The following GCSAML variants were observed in gnomAD, a reference collection of about 807,000 sequenced individuals.
GCSAML encodes the protein germinal center-associated signaling and motility-like protein.
Under a neutral mutation model 13.0 loss-of-function variants are expected in GCSAML, and 9 were observed. The ratio of observed to expected loss-of-function variants is 0.69; its 90% CI spans 0.42 to 1.21. The LOEUF (loss-of-function observed/expected upper bound fraction) is 1.21, where lower values mean the gene tolerates loss of function less well. Ranked by LOEUF, GCSAML falls within the 50% of genes most tolerant of loss-of-function variation. The pLI is 0.00. For synonymous variants in GCSAML, 37 were observed against 52.9 expected (o/e 0.70, Z 1.31); for missense variants, 143 against 153.4 (o/e 0.93, Z 0.36).
rs75068526 is a variant in GCSAML at position 247,541,335 on chromosome 1, C to A, written c.-147-7710C>A. On this transcript the variant is annotated intron_variant, in intron 2 of 5. Transcript: ENST00000366489. ...TTCCATGGTATATCCTTGAGCAAAG[C>A]AGTAGGTTTGGCCTCCCATGTCATA... Among the ~76,000 whole-genome samples the A allele has an allele frequency of 4.3e-4, 65 of 152,342 alleles. 1 individual carries two copies. In the East Asian group the frequency reaches 0.012, roughly 28 times the overall value.
rs577933270 is a variant in GCSAML at position 247,526,950 on chromosome 1, C to G, written c.-252C>G. 14 of 456,486 alleles carry G rather than the reference C, an allele frequency of 3.1e-5. No individual in the cohort carries two copies. Among genetic ancestry groups the G allele is most frequent in the African/African-American group, 2.2e-4 (11 of 50,062 alleles). 28.3% of individuals were successfully genotyped at this position (456,486 alleles called of 1,614,324 possible). A position where few individuals can be genotyped will look rare whatever the true frequency, so the allele number is the denominator to read the frequency against. ...TTCACTTTCTTTCAGGATTTACTGC[C>G]TCAAGATGGTTATGTTGGAGGATTC... On this transcript the variant is annotated 5_prime_UTR_variant, in exon 2 of 6. Coordinates refer to the GCSAML transcript ENST00000366489. This position sits in a 1 kb window ranked among gnomAD's most constrained non-coding sequence, Gnocchi z 4.8.
intron 1 of GCSAML, among the ~76,000 whole-genome samples, chr1:247,524,345 C>T (rs969064478): frequency 2.0e-5 from 3 of 152,166 alleles, no homozygotes; most frequent in Non-Finnish European, 2.9e-5. Context: ...ATACTGGCTA[C>T]TCCCTCCCCT....
chr1:247,565,819 G>A, intron 3 of GCSAML, 112 bp from the exon 4 acceptor site: 1 of 820,226 alleles, frequency 1.2e-6, no homozygotes. Flanking sequence ...GGCCTCTGCA[G>A]TTTTATGACT....
At chr1:247,538,846 T>C (rs1667312421) in intron 2 of GCSAML, 1 of 441,546 alleles carries the variant, frequency 2.3e-6, no homozygotes, top group Non-Finnish European at 4.5e-6. Flanking sequence ...TGTTTTGTTA[T>C]GATATCTCGA....
In GCSAML at chr1:247,510,126, T is replaced by C. The variant is rs376592184; in HGVS notation, c.-263+2893T>C. Among the ~76,000 whole-genome samples the C allele has an allele frequency of 1.7e-3, 252 of 152,344 alleles. 1 individual carries two copies. Among genetic ancestry groups the C allele is most frequent in the African/African-American group, 5.7e-3 (239 of 41,580 alleles). ...GGTAGAATTCAGCTGTGAATCCATCTGGTCCTGGGCTTTTTTTGGTTGACA... is the reference window on the plus strand; with the variant it reads ...GGTAGAATTCAGCTGTGAATCCATCCGGTCCTGGGCTTTTTTTGGTTGACA... On this transcript the variant is annotated intron_variant, in intron 1 of 5. Coordinates refer to the GCSAML transcript ENST00000366489.
intron 1 of GCSAML, among the ~76,000 whole-genome samples, chr1:247,554,634 T>C (rs771511983): frequency 1.3e-5 from 2 of 152,186 alleles, no homozygotes; most frequent in African/African-American, 2.4e-5. Flanking sequence ...TATTCTGTGT[T>C]TTTAGAAAGT....
intron 1 of GCSAML, chr1:247,525,903 CAAGGATTTTAGTAGT>C (rs1666663989): frequency 6.6e-6 from 1 of 152,158 alleles, no homozygotes; most frequent in Admixed American, 6.5e-5. Flanking sequence ...TTAAGGAATC[CAAGGATTTTAGTAGT>C]TGTATGCCTG....
At chr1:247,533,300 G>A (rs1019864846) in intron 2 of GCSAML, among the ~76,000 whole-genome samples, 1 of 152,116 alleles carries the variant, frequency 6.6e-6, no homozygotes, top group African/African-American at 2.4e-5. Flanking sequence ...AGAAGCAAAA[G>A]TTTCTCTTTC....
chr1:247,569,780 G>A (rs1423273016), intron 4 of GCSAML, among the ~76,000 whole-genome samples: 1 of 152,172 alleles, frequency 6.6e-6, no homozygotes, highest in Non-Finnish European at 1.5e-5. Context: ...GAGAAGGAAT[G>A]GTACCAGCTC....
rs1288288734 is a variant in GCSAML, at chr1:247,527,102, T to C, written c.-148+48T>C. ...ATTTCCTTGGGTTCTGGAGAGGATGTCTTCATTTTCTGTTAAGCATTTAGG... is the reference window on the plus strand; with the variant it reads ...ATTTCCTTGGGTTCTGGAGAGGATGCCTTCATTTTCTGTTAAGCATTTAGG... On this transcript the variant is annotated intron_variant, in intron 2 of 5. Coordinates refer to the GCSAML transcript ENST00000366489. The surrounding 1 kb of genome is among the most constrained non-coding windows in gnomAD (Gnocchi z 4.6). 2 of 455,954 alleles carry C rather than the reference T, an allele frequency of 4.4e-6. No homozygotes were observed. The highest frequency in any genetic ancestry group is 8.8e-6 in the Non-Finnish European group (2 of 226,642). The allele number at this position is 455,954 out of a possible 1,614,324, so 28.2% of individuals were successfully genotyped here. A position where few individuals can be genotyped will look rare whatever the true frequency, so the allele number is the denominator to read the frequency against.
intron 2 of GCSAML, chr1:247,532,382 C>A: frequency 6.2e-7 from 1 of 1,614,104 alleles, no homozygotes; most frequent in Non-Finnish European, 8.5e-7. Context: ...ATGATGATGC[C>A]ATTGCCCAAG....
At chr1:247,509,412 C>T (rs1335349250) in intron 1 of GCSAML, among the ~76,000 whole-genome samples, 7 of 152,116 alleles carry the variant, frequency 4.6e-5, no homozygotes, top group East Asian at 1.9e-4. Context: ...TGGGCTGAGA[C>T]GATGGGGTTT....
intron 2 of GCSAML, chr1:247,538,579 A>G: frequency 2.9e-6 from 1 of 348,554 alleles, no homozygotes; most frequent in East Asian, 7.8e-5. Context: ...GTGGCAGCCT[A>G]ATGTCATAAG....
At chr1:247,553,042 C>G (rs1378635403) in intron 1 of GCSAML, among the ~76,000 whole-genome samples, 1 of 152,236 alleles carries the variant, frequency 6.6e-6, no homozygotes, top group African/African-American at 2.4e-5. Context: ...GCGTGAGCCA[C>G]TGCGCCTGGT....
chr1:247,550,855 C>T (rs995281478), intron 1 of GCSAML, among the ~76,000 whole-genome samples: 1 of 151,602 alleles, frequency 6.6e-6, no homozygotes, highest in Non-Finnish European at 1.5e-5. Flanking sequence ...TGGTCTTGGT[C>T]GCAAGAAAAA....
intron 2 of GCSAML, among the ~76,000 whole-genome samples, chr1:247,534,070 G>A (rs1334493452): frequency 6.6e-6 from 1 of 151,934 alleles, no homozygotes; most frequent in South Asian, 2.1e-4. Flanking sequence ...TCTGACTGAG[G>A]CCCTCCCTGA....
intron 2 of GCSAML, among the ~76,000 whole-genome samples, chr1:247,540,537 A>G (rs1408368905): frequency 1.3e-5 from 2 of 152,244 alleles, no homozygotes; most frequent in South Asian, 2.1e-4. Context: ...TTCTGTCAGA[A>G]TAGAAGCTCA....
chr1:247,539,997 C>T (rs770206979), intron 2 of GCSAML, among the ~76,000 whole-genome samples: 16 of 152,116 alleles, frequency 1.1e-4, no homozygotes, highest in African/African-American at 3.4e-4. Flanking sequence ...CAGGCTTCCT[C>T]GCTCCTCAAA....
chr1:247,530,934 TGGTCTGGGTCGGTG>T (rs1163878786), intron 2 of GCSAML: 5 of 152,648 alleles, frequency 3.3e-5, no homozygotes, highest in Non-Finnish European at 5.8e-5. Context: ...GGCGCGGTCT[TGGTCTGGGTCGGTG>T]GGGTTGGGCC....
Sources: gnomAD v4.1 joint callset for allele counts (sites outside exome capture counted in the v4.1 genomes callset) on GRCh38, gnomAD v4.1.1 for gene constraint, Gnocchi (gnomAD v3.1) non-coding constraint, MANE v1.5 for transcripts, NCBI Gene and HGNC (gene_info 2026-07-23, HGNC 2026-07-21) for gene names.